The following ITGA8 variants were observed in gnomAD, a reference collection of about 807,000 sequenced individuals.
ITGA8 encodes integrin subunit alpha 8.
A neutral mutation model predicts 142.3 loss-of-function variants in ITGA8; 91 were observed. That is an observed-to-expected ratio of 0.64 (90% CI 0.54 to 0.76). ITGA8 has a LOEUF of 0.76. Ranked by LOEUF, ITGA8 falls within the 30% of genes least tolerant of loss-of-function variation. The probability of loss-of-function intolerance (pLI) is 0.00; values close to 1 mark genes in which losing one functional copy is unlikely to be tolerated. For missense variants in ITGA8, 1,406 were observed against 1,327.7 expected, an observed-to-expected ratio of 1.06 and a Z score of -0.92; for synonymous variants, 505 against 485.2, an observed-to-expected ratio of 1.04 and a Z score of -0.54.
chr10:15,652,501 G>C (rs1435551085), intron 11 of ITGA8, among the ~76,000 whole-genome samples: 1 of 146,390 alleles, frequency 6.8e-6, no homozygotes, highest in Non-Finnish European at 1.5e-5. Flanking sequence ...AAGAAACCTT[G>C]TTTTTGTAAG....
chr10:15,556,792 A>G (rs1234395933), intron 26 of ITGA8, among the ~76,000 whole-genome samples: 1 of 152,230 alleles, frequency 6.6e-6, no homozygotes, highest in Admixed American at 6.5e-5. Context: ...CAAACAATAG[A>G]TCTTATTCAT....
At chr10:15,684,241 C>T in intron 3 of ITGA8, 114 bp from the exon 4 acceptor site, 2 of 1,087,016 alleles carry the variant, frequency 1.8e-6, no homozygotes, top group South Asian at 3.4e-5. Flanking sequence ...ATTAATTGGC[C>T]TCTAGCATGC....
At chr10:15,659,561 C>G (rs771562011) in intron 9 of ITGA8, among the ~76,000 whole-genome samples, 4 of 152,134 alleles carry the variant, frequency 2.6e-5, no homozygotes, top group Non-Finnish European at 4.4e-5. Flanking sequence ...TTCAGAAGAT[C>G]TATTTATTTG....
In ITGA8 at chr10:15,678,251, C is replaced by T. The variant is rs553060577; in HGVS notation, c.630+471G>A. On this transcript the variant is annotated intron_variant, in intron 5 of 29. Coordinates refer to ENST00000378076, the MANE Select transcript of ITGA8 (RefSeq NM_003638.3). The stretch of plus-strand genomic sequence containing the variant: ...TATACGTTGATGAAATTTTTCTATA[C>T]TATTTTCAAAACCACAGAATCTTTT... Among the ~76,000 whole-genome samples, 4 of 152,256 alleles carry T rather than the reference C, an allele frequency of 2.6e-5. No homozygotes were observed. In the South Asian group the frequency reaches 6.2e-4, roughly 24 times the overall value.
chr10:15,607,695 A>G lies in ITGA8; in HGVS notation c.1746T>C (p.Asp582=), dbSNP rs138814462. The change falls in exon 17 of 30, where the codon GAT becomes GAC. Residue 582 remains aspartate, a synonymous_variant. Coordinates refer to ENST00000378076, the MANE Select transcript of ITGA8 (RefSeq NM_003638.3). Reference sequence around the variant, plus strand: ...TACTTACTCGAAGGTAAACGATGAAATCCTGGCACTGGTGGGATTTCTGCC... The same window carrying G: ...TACTTACTCGAAGGTAAACGATGAAGTCCTGGCACTGGTGGGATTTCTGCC... The part of the protein sequence containing the change: ...IKRQKSHQCQ[D]FIVYLRDETE... 74 of 1,613,928 alleles carry G rather than the reference A, an allele frequency of 4.6e-5. No individual in the cohort carries two copies. In the African/African-American group the frequency reaches 9.5e-4, roughly 21 times the overall value.
At position 15,558,080 on chromosome 10, in the gene ITGA8, T is replaced by A. The variant is rs1247922519; in HGVS notation, c.2760A>T (p.Lys920Asn). Reference protein sequence around the residue: ...VVEFHRQSPAKILNCTNIECL... With the variant: ...VVEFHRQSPANILNCTNIECL... ...GCACACTGGGATAACTCACCAGTAT[T>A]TTTGCAGGGCTCTGTCTGTGGAATT... Residue 920 changes from lysine (K) to asparagine (N), a missense_variant, in exon 26 of 30, where the codon AAA becomes AAT. Physicochemically the swap from Lys to Asn is moderately conservative, Grantham distance 94. Transcript: ENST00000378076. 3.1e-6 allele frequency: 5 copies of A among 1,613,992 alleles called. No individual in the cohort carries two copies. The highest frequency in any genetic ancestry group is 4.2e-6 in the Non-Finnish European group (5 of 1,180,020).
chr10:15,714,966 G>A lies in ITGA8; in HGVS notation c.343+3800C>T, dbSNP rs17137745. On this transcript the variant is annotated intron_variant, in intron 2 of 29. Coordinates refer to ENST00000378076, the MANE Select transcript of ITGA8 (RefSeq NM_003638.3). Reference sequence around the variant, plus strand: ...ATGTCGTAGTAAAAGTAGGGTAAAAGACCAGGAAAGTCACTGATGTCTTGA... The same window carrying A: ...ATGTCGTAGTAAAAGTAGGGTAAAAAACCAGGAAAGTCACTGATGTCTTGA... 4.2e-3 allele frequency among the ~76,000 whole-genome samples: 641 copies of A among 152,280 alleles called. 42 individuals carry two copies. The East Asian group carries it at 0.11, about 27-fold the overall frequency.
chr10:15,696,861 C>CACA (rs1554788842), intron 2 of ITGA8, among the ~76,000 whole-genome samples: 1,358 of 52,532 alleles, frequency 0.026, 32 homozygotes, highest in African/African-American at 0.079. Flanking sequence ...TAACTCTTAC[C>CACA]AAAAAAAAAA....
chr10:15,676,275 T>C (rs1337562844), intron 6 of ITGA8, among the ~76,000 whole-genome samples: 1 of 152,194 alleles, frequency 6.6e-6, no homozygotes, highest in Non-Finnish European at 1.5e-5. Flanking sequence ...AACTTTGCGT[T>C]GCTGCTGGCC....
chr10:15,608,313 A>G, intron 15 of ITGA8, 23 bp from the exon 16 acceptor site: 1 of 1,510,928 alleles, frequency 6.6e-7, no homozygotes, highest in Non-Finnish European at 9.0e-7. Context: ...GTAGTAATTT[A>G]TTGGTTAATA....
chr10:15,643,306 G>C (rs918991899), intron 13 of ITGA8, among the ~76,000 whole-genome samples: 1 of 152,080 alleles, frequency 6.6e-6, no homozygotes, highest in Admixed American at 6.5e-5. Context: ...TTTTGAGACA[G>C]TCTCACTCTG....
At chr10:15,638,634 G>A (rs1833814614) in intron 13 of ITGA8, among the ~76,000 whole-genome samples, 1 of 152,200 alleles carries the variant, frequency 6.6e-6, no homozygotes, top group Admixed American at 6.5e-5. Flanking sequence ...TGGCTTCTCA[G>A]GGGTGTTCCA....
chr10:15,699,684 C>T (rs1835125414), intron 2 of ITGA8, among the ~76,000 whole-genome samples: 1 of 152,148 alleles, frequency 6.6e-6, no homozygotes, highest in South Asian at 2.1e-4. Context: ...CTCTCCAGCA[C>T]CCAAACTAGG....
At chr10:15,665,659 T>G (rs548487763) in intron 8 of ITGA8, among the ~76,000 whole-genome samples, 93 of 152,334 alleles carry the variant, frequency 6.1e-4, no homozygotes, top group African/African-American at 1.3e-3. Context: ...GGTCTAACAT[T>G]TAAGTCTTTA....
At chr10:15,702,433 G>A (rs1835181720) in intron 2 of ITGA8, among the ~76,000 whole-genome samples, 1 of 152,054 alleles carries the variant, frequency 6.6e-6, no homozygotes, top group African/African-American at 2.4e-5. Context: ...TGGGATTACA[G>A]GTGGCCCCCA....
intron 28 of ITGA8, among the ~76,000 whole-genome samples, chr10:15,520,610 G>A (rs571090285): frequency 3.3e-5 from 5 of 152,324 alleles, no homozygotes; most frequent in East Asian, 1.9e-4. Context: ...CTGTGCCTCC[G>A]GAGGCCGAGG....
At chr10:15,563,200 C>A (rs780420377) in intron 25 of ITGA8, among the ~76,000 whole-genome samples, 1 of 152,138 alleles carries the variant, frequency 6.6e-6, no homozygotes, top group Non-Finnish European at 1.5e-5. Context: ...CCTGCAGAAC[C>A]GTGAGCCAAT....
At chr10:15,616,855 A>G (rs1833402301) in intron 13 of ITGA8, among the ~76,000 whole-genome samples, 1 of 152,142 alleles carries the variant, frequency 6.6e-6, no homozygotes, top group Non-Finnish European at 1.5e-5. Flanking sequence ...CAAGGCATAT[A>G]CACCCAGGGA....
intron 10 of ITGA8, 78 bp from the exon 11 acceptor site, chr10:15,655,484 G>T: frequency 1.0e-6 from 1 of 960,622 alleles, no homozygotes; most frequent in Non-Finnish European, 1.7e-6. Flanking sequence ...ATTCCTGAAA[G>T]ATTCATCTCA....
Sources: gnomAD v4.1 joint callset for allele counts (sites outside exome capture counted in the v4.1 genomes callset) on GRCh38, gnomAD v4.1.1 for gene constraint, MANE v1.5 for transcripts, NCBI Gene and HGNC (gene_info 2026-07-23, HGNC 2026-07-21) for gene names.